Variants in XYLB observed in about 807,000 individuals in gnomAD.
The protein encoded by XYLB is xylulokinase.
Under a neutral mutation model 78.7 loss-of-function variants are expected in XYLB, and 62 were observed. The observed-to-expected ratio is 0.79, with a 90% CI of 0.64 to 0.97. The LOEUF is 0.97. XYLB is among the 50% of genes least tolerant of loss of function. XYLB has a pLI of 0.00. For synonymous variants in XYLB, 245 were observed against 247.4 expected, an observed-to-expected ratio of 0.99 and a Z score of 0.09; for missense variants, 687 against 676.8, an observed-to-expected ratio of 1.02 and a Z score of -0.17.
the XYLB span, among the ~76,000 whole-genome samples, chr3:38,438,598 T>G: frequency 1.2e-4 from 19 of 152,310 alleles, no homozygotes; most frequent in African/African-American, 4.3e-4. Flanking sequence ...TTGCTGACTT[T>G]AAGAATGAAG....
At chr3:38,435,737 CAA>C in the XYLB span, among the ~76,000 whole-genome samples, 1 of 152,134 alleles carries the variant, frequency 6.6e-6, no homozygotes, top group Non-Finnish European at 1.5e-5. Context: ...AAATTCATAT[CAA>C]GTATCTCCTC....
intron 18 of XYLB, among the ~76,000 whole-genome samples, chr3:38,409,075 C>G (rs1427906373): frequency 6.6e-6 from 1 of 152,110 alleles, no homozygotes; most frequent in Non-Finnish European, 1.5e-5. Context: ...CGGGCAGAGA[C>G]AGAAACAAAA....
intron 18 of XYLB, among the ~76,000 whole-genome samples, chr3:38,407,320 G>A (rs1458320514): frequency 1.4e-4 from 21 of 149,320 alleles, no homozygotes; most frequent in Admixed American, 2.0e-4. Flanking sequence ...ATACTTTACA[G>A]ACAAGCAAAT....
intron 9 of XYLB, 154 bp from the exon 10 acceptor site, chr3:38,372,501 C>T (rs1420956081): frequency 2.0e-6 from 2 of 985,254 alleles, no homozygotes; most frequent in African/African-American, 3.5e-5. Flanking sequence ...CAGTTTGTGA[C>T]AGGAAGTGAT....
the XYLB span, among the ~76,000 whole-genome samples, chr3:38,430,201 A>G: frequency 6.6e-6 from 1 of 152,174 alleles, no homozygotes; most frequent in African/African-American, 2.4e-5. Context: ...ATTTCTCTAC[A>G]TCCTCTCCAG....
At chr3:38,424,481 A>T (rs1257210076), downstream of XYLB, among the ~76,000 whole-genome samples, 1 of 152,236 alleles carries the variant, frequency 6.6e-6, no homozygotes, top group Non-Finnish European at 1.5e-5. Flanking sequence ...AAATTATTTC[A>T]ATTTTTGAAA....
chr3:38,351,068 A>C (rs899446786), intron 2 of XYLB, among the ~76,000 whole-genome samples: 5 of 147,060 alleles, frequency 3.4e-5, no homozygotes, highest in African/African-American at 1.3e-4. Flanking sequence ...GCTAGCTGGG[A>C]GGCTGAGGCA....
At position 38,407,312 on chromosome 3, in the gene XYLB, A is replaced by C. The variant is rs1158025678; in HGVS notation, c.1534-5624A>C. ...TTCATAAGTGAAGAAGAAATAAAAT[A>C]CTTTACAGACAAGCAAATGCTGAGA... On this transcript the variant is annotated intron_variant, in intron 18 of 18. Transcript: ENST00000207870. Among the ~76,000 whole-genome samples the C allele has an allele frequency of 2.1e-3, 322 of 151,326 alleles. 1 individual carries two copies. Among genetic ancestry groups the C allele is most frequent in the African/African-American group, 7.2e-3 (300 of 41,384 alleles).
chr3:38,348,518 T>C, intron 1 of XYLB, 32 bp from the exon 2 acceptor site: 1 of 1,611,636 alleles, frequency 6.2e-7, no homozygotes, highest in Non-Finnish European at 8.5e-7. Context: ...CTGAGGAAAA[T>C]TCTACACTTC....
At chr3:38,374,964 C>G (rs1706770753) in intron 11 of XYLB, among the ~76,000 whole-genome samples, 180 bp from the exon 12 acceptor site, 1 of 152,198 alleles carries the variant, frequency 6.6e-6, no homozygotes, top group Admixed American at 6.5e-5. Context: ...GGGGAGCTAA[C>G]TCCTGGCTCA....
At chr3:38,360,600 A>G (rs1705914564) in intron 3 of XYLB, among the ~76,000 whole-genome samples, 192 bp downstream of exon 3, 2 of 152,266 alleles carry the variant, frequency 1.3e-5, no homozygotes, top group African/African-American at 4.8e-5. Context: ...TCCCAGGCTC[A>G]GAGGACTTAC....
chr3:38,428,632 C>T, the XYLB span, among the ~76,000 whole-genome samples: 1 of 152,186 alleles, frequency 6.6e-6, no homozygotes, highest in Non-Finnish European at 1.5e-5. Flanking sequence ...ATAGCCACTC[C>T]ATCATTTGTT....
At chr3:38,440,990 T>C in the XYLB span, among the ~76,000 whole-genome samples, 1 of 151,874 alleles carries the variant, frequency 6.6e-6, no homozygotes, top group Non-Finnish European at 1.5e-5. Flanking sequence ...TTTCCCCCTC[T>C]CTCTCTCTTT....
chr3:38,374,765 G>C (rs554249528), intron 11 of XYLB, among the ~76,000 whole-genome samples: 1 of 152,322 alleles, frequency 6.6e-6, no homozygotes, highest in South Asian at 2.1e-4. Flanking sequence ...GCCAGTCTTA[G>C]TGCATGCAGT....
rs2234607 is a variant in XYLB at position 38,365,299 on chromosome 3, C to A, written c.378+14C>A. On this transcript the variant is annotated intron_variant, in intron 5 of 18. Transcript: ENST00000207870. ...CAGCAGCTGCAGGTAACTGTGGCTA[C>A]GTTGTGTGAGTGTGAGAAACTTCTG... The A allele has an allele frequency of 6.2e-7, 1 of 1,613,662 alleles. No homozygotes were observed. Among genetic ancestry groups the A allele is most frequent in the African/African-American group, 1.3e-5 (1 of 75,054 alleles).
At chr3:38,386,897 C>T (rs1428870873) in intron 15 of XYLB, among the ~76,000 whole-genome samples, 1 of 152,166 alleles carries the variant, frequency 6.6e-6, no homozygotes, top group Non-Finnish European at 1.5e-5. Flanking sequence ...ATGTTTTCTG[C>T]TGTGGAATTC....
chr3:38,433,947 A>T, the XYLB span, among the ~76,000 whole-genome samples: 1 of 152,360 alleles, frequency 6.6e-6, no homozygotes, highest in African/African-American at 2.4e-5. Context: ...TAGGTAATTT[A>T]TAAAGAAAAG....
rs1397745056 is a variant in XYLB, at chr3:38,353,289, C to T, written c.140+4657C>T. Among the ~76,000 whole-genome samples the T allele has an allele frequency of 6.6e-5, 10 of 152,086 alleles. No homozygotes were observed. In the East Asian group the frequency reaches 1.9e-3, roughly 29 times the overall value. On this transcript the variant is annotated intron_variant, in intron 2 of 18. Coordinates refer to ENST00000207870, the MANE Select transcript of XYLB (RefSeq NM_005108.4). ...CCAGATGATTCTTCAGTTGTTGTAACACCAACCATGTTTTTATTTAATTTA... is the reference window on the plus strand; with the variant it reads ...CCAGATGATTCTTCAGTTGTTGTAATACCAACCATGTTTTTATTTAATTTA...
At chr3:38,387,115 T>A (rs1042898348) in intron 15 of XYLB, among the ~76,000 whole-genome samples, 6 of 152,188 alleles carry the variant, frequency 3.9e-5, no homozygotes, top group African/African-American at 1.2e-4. Context: ...AAGGGTTTTT[T>A]AATTATTATT....
Sources: allele counts gnomAD v4.1 joint callset (sites outside exome capture counted in the v4.1 genomes callset), GRCh38; gene constraint gnomAD v4.1.1; transcripts MANE v1.5; gene names NCBI Gene and HGNC (gene_info 2026-07-23, HGNC 2026-07-21).